Variants in PHYKPL observed in about 807,000 individuals in gnomAD.
PHYKPL encodes the protein 5-phosphohydroxy-L-lysine phospho-lyase, also known as 5-phosphonooxy-L-lysine phospho-lyase.
In PHYKPL, 42 loss-of-function variants were observed where a neutral mutation model predicts 51.3. The observed-to-expected ratio is 0.82, with a 90% CI of 0.64 to 1.06. PHYKPL has a LOEUF of 1.06. Ranked by LOEUF, PHYKPL falls within the 50% of genes least tolerant of loss-of-function variation. PHYKPL has a pLI of 0.00. For missense variants in PHYKPL, 655 were observed against 586.6 expected (o/e 1.12, Z -1.20); for synonymous variants, 264 against 236.0 (o/e 1.12, Z -1.09).
At chr5:178,210,058 G>C (rs1757709958) in intron 12 of PHYKPL, 1 of 1,579,046 alleles carries the variant, frequency 6.3e-7, no homozygotes, top group South Asian at 1.2e-5. Context: ...ACCCCAAAGG[G>C]CAGGATTTCC....
chr5:178,228,646 C>A (rs539762480), intron 3 of PHYKPL: 1 of 701,962 alleles, frequency 1.4e-6, no homozygotes, highest in South Asian at 1.5e-5. Flanking sequence ...GGGCAGATGT[C>A]TGTACTGTGT....
At chr5:178,210,699 T>TG (rs1425244375) in intron 12 of PHYKPL, 1 of 1,196,750 alleles carries the variant, frequency 8.4e-7, no homozygotes, top group African/African-American at 1.5e-5. Context: ...ATGTACCAAA[T>TG]TTAACTTGGC....
intron 4 of PHYKPL, 151 bp from the exon 5 acceptor site, chr5:178,224,880 G>C (rs1339306362): frequency 4.9e-6 from 3 of 616,020 alleles, no homozygotes; most frequent in Non-Finnish European, 5.7e-6. Flanking sequence ...AAGAGCACAA[G>C]CTTTGGAGTC....
chr5:178,231,720 C>T (rs1194177522), intron 1 of PHYKPL, 197 bp from the exon 2 acceptor site: 5 of 1,539,306 alleles, frequency 3.2e-6, no homozygotes, highest in Non-Finnish European at 4.4e-6. Flanking sequence ...GATGGGGTAA[C>T]AAGTCGCTGA....
At chr5:178,223,603 T>C (rs936744706) in intron 6 of PHYKPL, 5 of 397,944 alleles carry the variant, frequency 1.3e-5, no homozygotes, top group African/African-American at 1.0e-4. Flanking sequence ...TTTTAGGTTT[T>C]ATAGAAGTGG....
chr5:178,231,810 C>T (rs1443155288), intron 1 of PHYKPL: 1 of 1,388,864 alleles, frequency 7.2e-7, no homozygotes, highest in Non-Finnish European at 9.6e-7. Context: ...GTCAGTCTCC[C>T]GGATCCTGAG....
intron 6 of PHYKPL, 119 bp downstream of exon 6, chr5:178,224,328 TC>T (rs780314102): frequency 1.8e-6 from 2 of 1,115,476 alleles, no homozygotes; most frequent in Non-Finnish European, 2.5e-6. Context: ...TATCCCAGAT[TC>T]CTGGAGGGCA....
chr5:178,218,105 T>C (rs1202160687), intron 8 of PHYKPL, among the ~76,000 whole-genome samples: 1 of 111,608 alleles, frequency 9.0e-6, no homozygotes, highest in Admixed American at 1.0e-4. Flanking sequence ...TAGTCCCAGC[T>C]ACTCGGGAGG....
Position 178,224,681 on chromosome 5 carries a change from C to A in PHYKPL, c.462G>T (p.Lys154Asn). ...CCTTCTGGCCATCCAGGTTGCGGAACTTGTAGGGACTGATGTCAATCAGGG... is the reference window on the plus strand; with the variant it reads ...CCTTCTGGCCATCCAGGTTGCGGAAATTGTAGGGACTGATGTCAATCAGGG... ...LSSLIDISPY[K>N]FRNLDGQKEW... Residue 154 changes from lysine (K) to asparagine (N), a missense_variant, in exon 5 of 13, where the codon AAG becomes AAT. Transcript: ENST00000308158. The A allele has an allele frequency of 6.2e-7, 1 of 1,614,220 alleles. No homozygotes were observed.
At chr5:178,207,843 C>T (rs148682959), downstream of PHYKPL, among the ~76,000 whole-genome samples, 1 of 152,144 alleles carries the variant, frequency 6.6e-6, no homozygotes, top group East Asian at 1.9e-4. Context: ...GCTGGGACCA[C>T]AGGCATGTAC....
At chr5:178,207,501 A>G (rs1163443962), downstream of PHYKPL, among the ~76,000 whole-genome samples, 2 of 152,070 alleles carry the variant, frequency 1.3e-5, no homozygotes, top group African/African-American at 2.4e-5. Flanking sequence ...TTAGCTCCTC[A>G]CTTAAAGCTA....
At chr5:178,232,331 C>T (rs1291458375) in intron 1 of PHYKPL, 161 bp downstream of exon 1, 3 of 1,271,842 alleles carry the variant, frequency 2.4e-6, no homozygotes, top group South Asian at 2.6e-5. Flanking sequence ...CGCCTCGGGC[C>T]CTAGAAGCTC....
In PHYKPL at chr5:178,225,333, T is replaced by G. The variant is rs549497210; in HGVS notation, c.413+22A>C. ...CTGTGGGCCAGGCTTCTGGGAACGG[T>G]AGGGCTGTGAGTTGCACTTACTGAT... On this transcript the variant is annotated intron_variant, in intron 4 of 12. Transcript: ENST00000308158. 28 of 1,613,798 alleles carry G rather than the reference T, an allele frequency of 1.7e-5. No individual in the cohort carries two copies. In the African/African-American group the frequency reaches 3.5e-4, roughly 20 times the overall value.
In PHYKPL at chr5:178,215,318, A is replaced by AGGAGCTGCATCAG. The variant is rs763969822; in HGVS notation, c.1027_1039dup (p.Leu347ProfsTer33). ...GGGATGTTTGATTTTTTGCTGCCCG[A>AGGAGCTGCATCAG]GGAGCTGCATCAGGAAGCTGCCTAC... On this transcript the variant is annotated frameshift_variant, in exon 9 of 13. Transcript: ENST00000308158. LOFTEE classifies it high-confidence loss of function. 3 of 1,614,006 alleles carry AGGAGCTGCATCAG rather than the reference A, an allele frequency of 1.9e-6. No individual in the cohort carries two copies. Among genetic ancestry groups the AGGAGCTGCATCAG allele is most frequent in the Non-Finnish European group, 2.5e-6 (3 of 1,179,970 alleles).
chr5:178,229,112 T>C (rs1762873781), intron 3 of PHYKPL, among the ~76,000 whole-genome samples: 1 of 150,952 alleles, frequency 6.6e-6, no homozygotes, highest in East Asian at 1.9e-4. Context: ...TATTTTTTTT[T>C]TTTTTTTTTT....
At chr5:178,211,048 T>C (rs1334402397) in intron 12 of PHYKPL, 1 of 194,554 alleles carries the variant, frequency 5.1e-6, no homozygotes. Context: ...ACTGTACTTT[T>C]TGGTACCTTT....
chr5:178,232,381 G>A lies in PHYKPL; in HGVS notation c.59+111C>T, dbSNP rs765667938. On this transcript the variant is annotated intron_variant, in intron 1 of 12. Coordinates refer to ENST00000308158, the MANE Select transcript of PHYKPL (RefSeq NM_153373.4). ...CAGCGGCCGGACGGGATGGGTAGCAGCGGCTTCCTAGCCGGAGGCGCGTGC... is the reference window on the plus strand; with the variant it reads ...CAGCGGCCGGACGGGATGGGTAGCAACGGCTTCCTAGCCGGAGGCGCGTGC... 1.7e-5 allele frequency: 23 copies of A among 1,317,046 alleles called. 1 individual carries two copies. Among genetic ancestry groups the A allele is most frequent in the Non-Finnish European group, 2.0e-5 (21 of 1,041,026 alleles). 81.6% of individuals were successfully genotyped at this position (1,317,046 alleles called of 1,614,324 possible).
chr5:178,215,671 G>A, intron 8 of PHYKPL: 2 of 519,780 alleles, frequency 3.8e-6, no homozygotes. Flanking sequence ...TACAGTAGGA[G>A]CCCCTAGAAG....
intron 8 of PHYKPL, among the ~76,000 whole-genome samples, chr5:178,218,953 T>G (rs962801376): frequency 1.3e-5 from 2 of 152,024 alleles, no homozygotes; most frequent in Non-Finnish European, 2.9e-5. Context: ...AGAGCAAGAC[T>G]CCGTCTCAAA....
Sources: allele counts gnomAD v4.1 joint callset (sites outside exome capture counted in the v4.1 genomes callset), GRCh38; gene constraint gnomAD v4.1.1; transcripts MANE v1.5; gene names NCBI Gene and HGNC (gene_info 2026-07-23, HGNC 2026-07-21).